Variants in SLCO5A1 observed in about 807,000 individuals in gnomAD.
SLCO5A1 encodes solute carrier organic anion transporter family member 5A1, also known as organic anion transporter polypeptide-related protein 4.
In SLCO5A1, 39 loss-of-function variants were observed where a neutral mutation model predicts 65.1. The observed-to-expected ratio is 0.60, with a 90% CI of 0.46 to 0.78. The LOEUF (loss-of-function observed/expected upper bound fraction) is 0.78, where lower values mean the gene tolerates loss of function less well. Among genes scored for constraint, SLCO5A1 ranks in the 30% least tolerant of loss-of-function variants. The pLI is 0.00. For synonymous variants in SLCO5A1, 438 were observed against 415.7 expected (o/e 1.05, Z -0.65); for missense variants, 1,029 against 1,069.4 (o/e 0.96, Z 0.53).
At position 69,709,066 on chromosome 8, in the gene SLCO5A1, G is replaced by A. The variant is rs571791107; in HGVS notation, c.1424-3837C>T. 1.2e-4 allele frequency among the ~76,000 whole-genome samples: 18 copies of A among 152,334 alleles called. No individual in the cohort carries two copies. In the East Asian group the frequency reaches 2.7e-3, roughly 23 times the overall value. On this transcript the variant is annotated intron_variant, in intron 5 of 9. Transcript: ENST00000260126. Reference sequence around the variant, plus strand: ...CAATTTTAAGAGTGTCATGCAGGTAGAAACCAGACTGCGATGGGTTGAGTA... The same window carrying A: ...CAATTTTAAGAGTGTCATGCAGGTAAAAACCAGACTGCGATGGGTTGAGTA...
At chr8:69,770,563 T>C (rs1000907936) in intron 2 of SLCO5A1, among the ~76,000 whole-genome samples, 4 of 152,324 alleles carry the variant, frequency 2.6e-5, no homozygotes, top group African/African-American at 7.2e-5. Context: ...CTGTGTACTT[T>C]CGTGGAGTTA....
intron 6 of SLCO5A1, 39 bp from the exon 7 acceptor site, chr8:69,682,382 C>A: frequency 6.8e-7 from 1 of 1,459,982 alleles, no homozygotes; most frequent in Non-Finnish European, 9.1e-7. Flanking sequence ...CAACACTTAC[C>A]AAAATAAAAC....
intron 5 of SLCO5A1, among the ~76,000 whole-genome samples, chr8:69,711,367 C>T (rs1426865020): frequency 3.9e-5 from 6 of 152,172 alleles, no homozygotes; most frequent in African/African-American, 1.4e-4. Context: ...GCCGCGTTCC[C>T]AGCCTCGGAG....
rs753831209 is a variant in SLCO5A1, at chr8:69,761,726, T to G, written c.1040+17A>C. On this transcript the variant is annotated intron_variant, in intron 3 of 9. Coordinates refer to ENST00000260126, the MANE Select transcript of SLCO5A1 (RefSeq NM_030958.3). Reference sequence around the variant, plus strand: ...TTAGTAAGAACTGAAATTTAAAAATTAGAAAACAGAACTTACCAGTTTCCA... The same window carrying G: ...TTAGTAAGAACTGAAATTTAAAAATGAGAAAACAGAACTTACCAGTTTCCA... The G allele has an allele frequency of 8.1e-6, 13 of 1,607,484 alleles. No individual in the cohort carries two copies. In the Admixed American group the frequency reaches 1.0e-4, roughly 13 times the overall value.
At chr8:69,689,719 C>T (rs1814161494) in intron 6 of SLCO5A1, among the ~76,000 whole-genome samples, 1 of 148,828 alleles carries the variant, frequency 6.7e-6, no homozygotes, top group Non-Finnish European at 1.5e-5. Flanking sequence ...GGTACCAGTA[C>T]CATGCTGTTT....
chr8:69,680,705 A>C (rs1467583347), intron 7 of SLCO5A1, among the ~76,000 whole-genome samples: 1 of 152,128 alleles, frequency 6.6e-6, no homozygotes, highest in Non-Finnish European at 1.5e-5. Context: ...AAATCTCCAA[A>C]CTGCTTTCCA....
chr8:69,714,126 A>G (rs903496426), intron 5 of SLCO5A1, among the ~76,000 whole-genome samples: 10 of 152,220 alleles, frequency 6.6e-5, no homozygotes, highest in African/African-American at 2.4e-4. Flanking sequence ...TCTCTTTCAT[A>G]TATCTCAATC....
chr8:69,695,847 A>G (rs1351251902), intron 6 of SLCO5A1, among the ~76,000 whole-genome samples: 1 of 152,236 alleles, frequency 6.6e-6, no homozygotes. Flanking sequence ...TTCATTCTTC[A>G]TAACTTCACC....
At chr8:69,689,796 G>C (rs1814164701) in intron 6 of SLCO5A1, among the ~76,000 whole-genome samples, 1 of 151,566 alleles carries the variant, frequency 6.6e-6, no homozygotes, top group South Asian at 2.1e-4. Context: ...TTGTTCTTTT[G>C]GCTTAGGATT....
chr8:69,817,785 C>T (rs538447469), intron 2 of SLCO5A1, among the ~76,000 whole-genome samples: 11 of 152,288 alleles, frequency 7.2e-5, no homozygotes, highest in South Asian at 2.1e-4. Context: ...TTCTCCAAAA[C>T]GATTTTCAAT....
intron 2 of SLCO5A1, among the ~76,000 whole-genome samples, chr8:69,776,965 T>C (rs536376484): frequency 5.9e-5 from 9 of 152,346 alleles, no homozygotes; most frequent in African/African-American, 1.9e-4. Flanking sequence ...CTAGTGGGAA[T>C]GTAAAATTGG....
intron 2 of SLCO5A1, among the ~76,000 whole-genome samples, chr8:69,813,343 C>T (rs1398761894): frequency 1.3e-5 from 2 of 152,212 alleles, no homozygotes; most frequent in Non-Finnish European, 2.9e-5. Flanking sequence ...TGTACCATTC[C>T]ATTTCAGACA....
chr8:69,761,631 C>T lies in SLCO5A1; in HGVS notation c.1040+112G>A, dbSNP rs1010916273. 5 of 1,171,198 alleles carry T rather than the reference C, an allele frequency of 4.3e-6. No individual in the cohort carries two copies. In the African/African-American group the frequency reaches 6.2e-5, roughly 15 times the overall value. The allele number at this position is 1,171,198 out of a possible 1,614,324, so 72.6% of individuals were successfully genotyped here. ...CCTGCCTGTCACCCCTTCCCAGGCA[C>T]CTTTCAGCTATTTTTTGTCTCCCCA... On this transcript the variant is annotated intron_variant, in intron 3 of 9. Transcript: ENST00000260126.
chr8:69,709,830 T>C (rs898572296), intron 5 of SLCO5A1, among the ~76,000 whole-genome samples: 1 of 152,072 alleles, frequency 6.6e-6, no homozygotes, highest in Non-Finnish European at 1.5e-5. Flanking sequence ...TAGAGGGTAA[T>C]ATGGGTCCAG....
At position 69,785,851 on chromosome 8, in the gene SLCO5A1, C is replaced by T. The variant is rs376781069; in HGVS notation, c.908-23976G>A. Among the ~76,000 whole-genome samples, 15 of 152,104 alleles carry T rather than the reference C, an allele frequency of 9.9e-5. 1 individual carries two copies. Among genetic ancestry groups the T allele is most frequent in the African/African-American group, 3.6e-4 (15 of 41,404 alleles). On this transcript the variant is annotated intron_variant, in intron 2 of 9. Coordinates refer to ENST00000260126, the MANE Select transcript of SLCO5A1 (RefSeq NM_030958.3). The stretch of plus-strand genomic sequence containing the variant: ...AGAAGGATATTAATATGTGCAACAG[C>T]CAAATAATACATAAGAAATCTCAAC...
intron 4 of SLCO5A1, among the ~76,000 whole-genome samples, chr8:69,753,378 A>C (rs1032957695): frequency 6.4e-4 from 98 of 152,330 alleles, no homozygotes; most frequent in African/African-American, 2.4e-3. Context: ...AGCAGGAGCC[A>C]AGCAGTTTTC....
intron 2 of SLCO5A1, among the ~76,000 whole-genome samples, chr8:69,810,700 C>CT (rs1440238507): frequency 6.6e-6 from 1 of 152,184 alleles, no homozygotes; most frequent in African/African-American, 2.4e-5. Flanking sequence ...AATAAACTCA[C>CT]TGCAGTTAGA....
intron 2 of SLCO5A1, among the ~76,000 whole-genome samples, chr8:69,780,606 A>T (rs1418921411): frequency 6.6e-6 from 1 of 152,238 alleles, no homozygotes; most frequent in East Asian, 1.9e-4. Flanking sequence ...TAATGTGTAC[A>T]CATGGATGTA....
chr8:69,782,201 CTGCACATGT>C (rs1818828096), intron 2 of SLCO5A1, among the ~76,000 whole-genome samples: 1 of 151,814 alleles, frequency 6.6e-6, no homozygotes, highest in Non-Finnish European at 1.5e-5. Context: ...CCTGCACATT[CTGCACATGT>C]ATCCCAGAAC....
Sources: allele counts gnomAD v4.1 joint callset (sites outside exome capture counted in the v4.1 genomes callset), GRCh38; gene constraint gnomAD v4.1.1; transcripts MANE v1.5; gene names NCBI Gene and HGNC (gene_info 2026-07-23, HGNC 2026-07-21).